JMJD1C: variants seen among roughly 807,000 people sequenced by gnomAD.
The protein encoded by JMJD1C is jumonji domain containing 1C, also known as jumonji domain-containing protein 1C.
A neutral mutation model predicts 245.3 loss-of-function variants in JMJD1C; 31 were observed. The observed-to-expected ratio is 0.13, with a 90% confidence interval of 0.09 to 0.17. The LOEUF is 0.17. Among genes scored for constraint, JMJD1C ranks in the 10% least tolerant of loss-of-function variants. The pLI is 1.00. For missense variants in JMJD1C, 2,691 were observed against 3,000.2 expected (o/e 0.90, Z 2.41); for synonymous variants, 1,057 against 1,017.4 (o/e 1.04, Z -0.74).
intron 1 of JMJD1C, among the ~76,000 whole-genome samples, chr10:63,431,477 A>T (rs1268207126): frequency 6.6e-6 from 1 of 152,258 alleles, no homozygotes; most frequent in Non-Finnish European, 1.5e-5. Context: ...TTGTAAATAC[A>T]GTATCCATCT....
intron 1 of JMJD1C, among the ~76,000 whole-genome samples, chr10:63,395,901 A>T (rs1446593295): frequency 1.3e-5 from 2 of 152,154 alleles, no homozygotes; most frequent in East Asian, 1.9e-4. Context: ...AAGAAAATCT[A>T]ATGTTCAGAG....
intron 22 of JMJD1C, among the ~76,000 whole-genome samples, chr10:63,181,371 G>A (rs1327319863): frequency 3.3e-5 from 5 of 152,164 alleles, no homozygotes; most frequent in East Asian, 1.9e-4. Context: ...ACTGGCTAGA[G>A]CATAGTAAGT....
chr10:63,316,272 A>AT (rs1348460448), intron 2 of JMJD1C, among the ~76,000 whole-genome samples: 1 of 152,234 alleles, frequency 6.6e-6, no homozygotes, highest in Non-Finnish European at 1.5e-5. Flanking sequence ...AGTTAGAAGT[A>AT]CGCAGTAATT....
At chr10:63,251,485 G>T (rs1375973199) in intron 3 of JMJD1C, among the ~76,000 whole-genome samples, 5 of 152,124 alleles carry the variant, frequency 3.3e-5, no homozygotes, top group Non-Finnish European at 7.3e-5. Context: ...ACTAGGTCTA[G>T]ACAGCTAAGA....
At chr10:63,413,806 A>T (rs1270961999) in intron 1 of JMJD1C, among the ~76,000 whole-genome samples, 1 of 152,128 alleles carries the variant, frequency 6.6e-6, no homozygotes, top group Non-Finnish European at 1.5e-5. Flanking sequence ...TTGTGGTAAA[A>T]ATTAGAGAAT....
chr10:63,271,528 A>G (rs1856296606), intron 2 of JMJD1C, among the ~76,000 whole-genome samples: 1 of 152,122 alleles, frequency 6.6e-6, no homozygotes, highest in Admixed American at 6.5e-5. Flanking sequence ...TCTCAATTTC[A>G]GTAAATCTAA....
intron 1 of JMJD1C, among the ~76,000 whole-genome samples, chr10:63,450,164 T>A (rs558802035): frequency 7.3e-5 from 11 of 151,520 alleles, no homozygotes; most frequent in Non-Finnish European, 1.5e-4. Flanking sequence ...TAGACCAGGG[T>A]ATTAGTGTGA....
chr10:63,457,524 A>G (rs142167432), intron 1 of JMJD1C, among the ~76,000 whole-genome samples: 1 of 152,324 alleles, frequency 6.6e-6, no homozygotes, highest in Non-Finnish European at 1.5e-5. Context: ...CAAGATTAAA[A>G]CAACAACAAC....
intron 1 of JMJD1C, among the ~76,000 whole-genome samples, chr10:63,405,140 T>C (rs944121049): frequency 6.6e-6 from 1 of 152,162 alleles, no homozygotes; most frequent in African/African-American, 2.4e-5. Flanking sequence ...ATGTACATTC[T>C]CTCACTTCAT....
At chr10:63,418,377 A>C (rs1949918289) in intron 1 of JMJD1C, among the ~76,000 whole-genome samples, 1 of 152,200 alleles carries the variant, frequency 6.6e-6, no homozygotes, top group African/African-American at 2.4e-5. Flanking sequence ...TCTTCCCTTT[A>C]ACCACATTTA....
chr10:63,310,969 A>C (rs950374561), intron 2 of JMJD1C, among the ~76,000 whole-genome samples: 10 of 152,216 alleles, frequency 6.6e-5, no homozygotes, highest in Non-Finnish European at 1.0e-4. Context: ...AATGTTGATA[A>C]AGATGTTACA....
chr10:63,382,208 TCA>T (rs370153018), intron 1 of JMJD1C, among the ~76,000 whole-genome samples: 25 of 151,988 alleles, frequency 1.6e-4, no homozygotes, highest in African/African-American at 6.0e-4. Flanking sequence ...CAAAACTCCG[TCA>T]CACACACACA....
intron 2 of JMJD1C, chr10:63,372,947 C>A (rs373565460): frequency 1.1e-5 from 2 of 186,896 alleles, no homozygotes; most frequent in Admixed American, 5.6e-5. Context: ...TTAGAAAACA[C>A]AGCAGTGTTA....
In JMJD1C at chr10:63,465,250, G is replaced by T. The variant is rs368136224; in HGVS notation, c.168+245C>A. 8.7e-4 allele frequency: 418 copies of T among 481,408 alleles called. 3 individuals are homozygous for T. Among genetic ancestry groups the T allele is most frequent in the African/African-American group, 7.7e-3 (379 of 49,150 alleles). The allele number at this position is 481,408 out of a possible 1,614,324, so 29.8% of individuals were successfully genotyped here. ...CCGCGGTCGACCCCTCCGGGATGGG[G>T]GCCAGGGCAGCCTCCGCGGCTATCC... On this transcript the variant is annotated intron_variant, in intron 1 of 25. Transcript: ENST00000399262.
At chr10:63,237,183 G>A (rs553063638) in intron 3 of JMJD1C, among the ~76,000 whole-genome samples, 2 of 152,124 alleles carry the variant, frequency 1.3e-5, no homozygotes, top group East Asian at 3.9e-4. Flanking sequence ...GATTACAGGT[G>A]CCTGCCACCA....
chr10:63,425,377 G>A (rs184892888), intron 1 of JMJD1C, among the ~76,000 whole-genome samples: 2 of 152,244 alleles, frequency 1.3e-5, no homozygotes, highest in Non-Finnish European at 2.9e-5. Flanking sequence ...GATCTTATGA[G>A]ATTAAAAGTC....
intron 24 of JMJD1C, among the ~76,000 whole-genome samples, chr10:63,171,180 T>TAA (rs144129186): frequency 5.4e-5 from 8 of 148,650 alleles, no homozygotes; most frequent in African/African-American, 2.0e-4. Flanking sequence ...TGTGTTAACT[T>TAA]AAAAAAAAAA....
At chr10:63,502,877 A>G (rs1409909266) in intron 1 of JMJD1C, among the ~76,000 whole-genome samples, 1 of 152,238 alleles carries the variant, frequency 6.6e-6, no homozygotes, top group Non-Finnish European at 1.5e-5. Context: ...TCCGAGAAAC[A>G]TGAGCTGCAC....
At chr10:63,288,303 T>G (rs1275026582) in intron 2 of JMJD1C, among the ~76,000 whole-genome samples, 4 of 152,242 alleles carry the variant, frequency 2.6e-5, no homozygotes, top group African/African-American at 7.2e-5. Context: ...TTTTTCTCCA[T>G]GTCTTTTCAT....
Sources: gnomAD v4.1 joint callset for allele counts (sites outside exome capture counted in the v4.1 genomes callset) on GRCh38, gnomAD v4.1.1 for gene constraint, MANE v1.5 for transcripts, NCBI Gene and HGNC (gene_info 2026-07-23, HGNC 2026-07-21) for gene names.